Variants in SHISA9 observed in about 807,000 individuals in gnomAD.
SHISA9 encodes shisa family member 9, also known as protein shisa-9.
In SHISA9, 13 loss-of-function variants were observed where a neutral mutation model predicts 38.0. The observed-to-expected ratio is 0.34, with a 90% CI of 0.22 to 0.54. SHISA9 has a LOEUF of 0.54. Among genes scored for constraint, SHISA9 ranks in the 20% least tolerant of loss-of-function variants. The probability of loss-of-function intolerance (pLI) is 0.91; values close to 1 mark genes in which losing one functional copy is unlikely to be tolerated. For synonymous variants in SHISA9, 275 were observed against 242.0 expected (o/e 1.14, Z -1.27); for missense variants, 538 against 575.8 (o/e 0.93, Z 0.67).
chr16:13,232,982 C>A (rs1393974484), intron 4 of SHISA9, among the ~76,000 whole-genome samples: 1 of 152,140 alleles, frequency 6.6e-6, no homozygotes, highest in African/African-American at 2.4e-5. Context: ...CTTATTTACA[C>A]ATGTAGGTTT....
intron 2 of SHISA9, among the ~76,000 whole-genome samples, chr16:13,177,794 C>T (rs371591927): frequency 2.4e-4 from 36 of 152,232 alleles, no homozygotes; most frequent in African/African-American, 8.4e-4. Flanking sequence ...CTCAGCCTCC[C>T]GAGTAGCTGA....
chr16:13,359,344 G>A, the SHISA9 span, among the ~76,000 whole-genome samples: 1 of 152,110 alleles, frequency 6.6e-6, no homozygotes, highest in South Asian at 2.1e-4. Context: ...ATAGCTGGGT[G>A]TGGTGGTGGG....
At chr16:13,469,146 G>C in the SHISA9 span, among the ~76,000 whole-genome samples, 1 of 151,376 alleles carries the variant, frequency 6.6e-6, no homozygotes, top group Admixed American at 6.6e-5. Flanking sequence ...GGAGGCTGAG[G>C]CAGGAGAACA....
chr16:13,166,702 A>G (rs2050639330), intron 2 of SHISA9, among the ~76,000 whole-genome samples: 1 of 152,176 alleles, frequency 6.6e-6, no homozygotes, highest in Admixed American at 6.5e-5. Flanking sequence ...AAGCTGTCAA[A>G]AGTGAAGGCA....
the SHISA9 span, among the ~76,000 whole-genome samples, chr16:13,367,393 T>C: frequency 6.7e-6 from 1 of 150,036 alleles, no homozygotes; most frequent in Non-Finnish European, 1.5e-5. Flanking sequence ...CCTGTATCAG[T>C]CACGTTATAG....
chr16:12,990,002 C>T lies in SHISA9; in HGVS notation c.691+73187C>T, dbSNP rs564438871. ...GTGTTCATGTGTCCTCATCATTCAG[C>T]TCCCACTTATAAGTGAGAACATGCA... On this transcript the variant is annotated intron_variant, in intron 2 of 4. Transcript: ENST00000558583. Among the ~76,000 whole-genome samples, 9 of 152,282 alleles carry T rather than the reference C, an allele frequency of 5.9e-5. No homozygotes were observed. In the East Asian group the frequency reaches 1.5e-3, roughly 26 times the overall value.
chr16:13,077,063 A>T (rs1159395980), intron 2 of SHISA9, among the ~76,000 whole-genome samples: 1 of 152,204 alleles, frequency 6.6e-6, no homozygotes, highest in African/African-American at 2.4e-5. Flanking sequence ...AGAGCCAGGG[A>T]TACCTCACAG....
the SHISA9 span, among the ~76,000 whole-genome samples, chr16:13,328,665 A>T: frequency 6.6e-6 from 1 of 150,714 alleles, no homozygotes; most frequent in Non-Finnish European, 1.5e-5. Context: ...CAGAGACGTG[A>T]TTTTGCCACG....
At chr16:13,393,190 T>C in the SHISA9 span, among the ~76,000 whole-genome samples, 1 of 152,210 alleles carries the variant, frequency 6.6e-6, no homozygotes. Context: ...GTATCCACTG[T>C]TGGGGGATTG....
chr16:13,105,350 G>T (rs1314989046), intron 2 of SHISA9, among the ~76,000 whole-genome samples: 2 of 152,182 alleles, frequency 1.3e-5, no homozygotes, highest in African/African-American at 4.8e-5. Flanking sequence ...ACTGTCTACT[G>T]CATGCTGTCC....
At chr16:13,207,875 T>C (rs1203271937) in intron 3 of SHISA9, among the ~76,000 whole-genome samples, 1 of 152,222 alleles carries the variant, frequency 6.6e-6, no homozygotes, top group Non-Finnish European at 1.5e-5. Context: ...GTTTAAAAAA[T>C]GGTTTGCCAT....
At chr16:12,963,769 T>G (rs1267856237) in intron 2 of SHISA9, among the ~76,000 whole-genome samples, 1 of 152,148 alleles carries the variant, frequency 6.6e-6, no homozygotes, top group African/African-American at 2.4e-5. Flanking sequence ...TTTCACAAAG[T>G]ATCATACAGG....
chr16:13,113,499 A>G (rs1198384958), intron 2 of SHISA9, among the ~76,000 whole-genome samples: 2 of 152,234 alleles, frequency 1.3e-5, no homozygotes, highest in Admixed American at 1.3e-4. Flanking sequence ...CAGCTTTGGT[A>G]TAGCATCTCT....
the SHISA9 span, among the ~76,000 whole-genome samples, chr16:13,402,797 T>C: frequency 6.6e-6 from 1 of 152,188 alleles, no homozygotes; most frequent in Non-Finnish European, 1.5e-5. Context: ...CGTATCAAAT[T>C]AACCATCACA....
chr16:13,362,065 G>C, the SHISA9 span, among the ~76,000 whole-genome samples: 1 of 151,898 alleles, frequency 6.6e-6, no homozygotes, highest in Non-Finnish European at 1.5e-5. Flanking sequence ...GCAAAATATA[G>C]ATTAAAAATA....
At chr16:13,051,308 A>C (rs1299766398) in intron 2 of SHISA9, among the ~76,000 whole-genome samples, 1 of 152,174 alleles carries the variant, frequency 6.6e-6, no homozygotes, top group Non-Finnish European at 1.5e-5. Flanking sequence ...AAAGCATCAG[A>C]TCTTGTGAGA....
the SHISA9 span, among the ~76,000 whole-genome samples, chr16:13,529,893 A>T: frequency 6.6e-6 from 1 of 152,198 alleles, no homozygotes; most frequent in African/African-American, 2.4e-5. Context: ...AGGAAATCCT[A>T]TTCTCTTGAT....
chr16:12,913,810 A>G (rs2071218046), intron 1 of SHISA9, among the ~76,000 whole-genome samples: 1 of 152,042 alleles, frequency 6.6e-6, no homozygotes, highest in Middle Eastern at 3.2e-3. Flanking sequence ...TAATATTTTC[A>G]AGATTCATTT....
chr16:13,037,153 C>T (rs917306259), intron 2 of SHISA9, among the ~76,000 whole-genome samples: 7 of 147,962 alleles, frequency 4.7e-5, no homozygotes, highest in Non-Finnish European at 7.5e-5. Flanking sequence ...CACACACACA[C>T]ACACTGTTGG....
Sources: gnomAD v4.1 joint callset for allele counts (sites outside exome capture counted in the v4.1 genomes callset) on GRCh38, gnomAD v4.1.1 for gene constraint, MANE v1.5 for transcripts, NCBI Gene and HGNC (gene_info 2026-07-23, HGNC 2026-07-21) for gene names.